The following NALF1 variants were observed in gnomAD, a reference collection of about 807,000 sequenced individuals.
NALF1 encodes the protein NALCN channel auxiliary factor 1.
Under a neutral mutation model 48.4 loss-of-function variants are expected in NALF1, and 3 were observed. The ratio of observed to expected loss-of-function variants is 0.06; its 90% CI spans 0.03 to 0.16. The LOEUF is 0.16. Among genes scored for constraint, NALF1 ranks in the 10% least tolerant of loss-of-function variants. NALF1 has a pLI of 1.00. For missense variants in NALF1, 526 were observed against 571.5 expected (o/e 0.92, Z 0.81); for synonymous variants, 262 against 245.7 (o/e 1.07, Z -0.62).
chr13:107,564,472 G>A (rs904819293), intron 1 of NALF1, among the ~76,000 whole-genome samples: 1 of 152,160 alleles, frequency 6.6e-6, no homozygotes, highest in South Asian at 2.1e-4. Context: ...TTAAGTGGGT[G>A]CACCTTTCCT....
chr13:107,857,417 C>T (rs985213018), intron 1 of NALF1, among the ~76,000 whole-genome samples: 5 of 152,190 alleles, frequency 3.3e-5, no homozygotes, highest in African/African-American at 7.2e-5. Flanking sequence ...GCCTGACAGA[C>T]GACATAACAC....
At chr13:107,269,166 T>TA (rs200045635) in intron 1 of NALF1, among the ~76,000 whole-genome samples, 35,333 of 143,128 alleles carry the variant, frequency 0.25, 5,122 homozygotes, top group South Asian at 0.49. Context: ...TGTCTATGTT[T>TA]AAAAAAAAAA....
At chr13:107,559,926 C>T (rs1311221336) in intron 1 of NALF1, among the ~76,000 whole-genome samples, 1 of 152,046 alleles carries the variant, frequency 6.6e-6, no homozygotes, top group East Asian at 1.9e-4. Context: ...AGAGATGGAA[C>T]CAGCTTGGAC....
intron 1 of NALF1, chr13:107,788,946 C>A (rs1011117622): frequency 6.6e-6 from 1 of 152,080 alleles, no homozygotes; most frequent in Non-Finnish European, 1.5e-5. Flanking sequence ...TATGGTTAAC[C>A]TAGTTAAGTT....
At chr13:107,819,996 T>A (rs73587777) in intron 1 of NALF1, among the ~76,000 whole-genome samples, 4 of 152,152 alleles carry the variant, frequency 2.6e-5, no homozygotes, top group African/African-American at 9.7e-5. Context: ...AGCCAAATCC[T>A]GAAGACAAAG....
At chr13:107,429,281 C>G (rs1322195862) in intron 1 of NALF1, among the ~76,000 whole-genome samples, 1 of 150,204 alleles carries the variant, frequency 6.7e-6, no homozygotes, top group Non-Finnish European at 1.5e-5. Context: ...ATGATTGTGC[C>G]ACTGCACTCC....
At chr13:107,307,577 G>T (rs544795066) in intron 1 of NALF1, among the ~76,000 whole-genome samples, 7 of 145,624 alleles carry the variant, frequency 4.8e-5, no homozygotes, top group African/African-American at 1.8e-4. Context: ...TCCGCCTCCC[G>T]AGTTCAGGCG....
intron 1 of NALF1, among the ~76,000 whole-genome samples, chr13:107,660,124 C>A (rs1466208406): frequency 6.6e-6 from 1 of 151,988 alleles, no homozygotes; most frequent in Admixed American, 6.6e-5. Flanking sequence ...ATAACACAAA[C>A]CATAGTCTCT....
intron 1 of NALF1, among the ~76,000 whole-genome samples, chr13:107,667,845 G>A (rs1406152902): frequency 6.6e-6 from 1 of 152,012 alleles, no homozygotes; most frequent in Non-Finnish European, 1.5e-5. Context: ...TCATAGAAGA[G>A]CATTCAAATT....
intron 1 of NALF1, among the ~76,000 whole-genome samples, chr13:107,463,660 C>G (rs888274332): frequency 6.6e-6 from 1 of 152,060 alleles, no homozygotes; most frequent in African/African-American, 2.4e-5. Context: ...TGATATATGA[C>G]AAAAGCCTTG....
chr13:107,512,461 G>C (rs943437852), intron 1 of NALF1, among the ~76,000 whole-genome samples: 3 of 152,184 alleles, frequency 2.0e-5, no homozygotes, highest in African/African-American at 7.2e-5. Flanking sequence ...TCACACTGAG[G>C]CAGGACAGGT....
intron 1 of NALF1, among the ~76,000 whole-genome samples, chr13:107,375,478 T>C (rs961287803): frequency 1.3e-5 from 2 of 152,146 alleles, no homozygotes; most frequent in African/African-American, 4.8e-5. Flanking sequence ...GTATCTATCA[T>C]GTAAATAATT....
At chr13:107,262,732 T>A (rs1880953957) in intron 1 of NALF1, among the ~76,000 whole-genome samples, 1 of 149,086 alleles carries the variant, frequency 6.7e-6, no homozygotes, top group African/African-American at 2.5e-5. Flanking sequence ...GTGAAAGACA[T>A]CCCATGGAAC....
chr13:107,650,535 G>A lies in NALF1; in HGVS notation c.915+215147C>T, dbSNP rs562457537. On this transcript the variant is annotated intron_variant, in intron 1 of 2. Transcript: ENST00000375915. The stretch of plus-strand genomic sequence containing the variant: ...CTGATAGGTGGGAGCTAAGTTAGGA[G>A]GACACAAAGGCATAAGAATGATACA... Among the ~76,000 whole-genome samples, 386 of 152,064 alleles carry A rather than the reference G, an allele frequency of 2.5e-3. 1 individual carries two copies. Among genetic ancestry groups the A allele is most frequent in the Non-Finnish European group, 3.3e-3 (222 of 67,972 alleles).
intron 1 of NALF1, among the ~76,000 whole-genome samples, chr13:107,383,834 C>T (rs556394404): frequency 7.2e-5 from 11 of 152,244 alleles, no homozygotes; most frequent in East Asian, 3.9e-4. Context: ...GAAGTTAAGA[C>T]GCAACTCTCA....
chr13:107,617,595 T>C (rs1886229), intron 1 of NALF1, among the ~76,000 whole-genome samples: 2,037 of 152,194 alleles, frequency 0.013, 39 homozygotes, highest in African/African-American at 0.047. Flanking sequence ...AAGAACTCAG[T>C]GGGTTGAGAA....
rs1178282459 is a variant in NALF1 at position 107,783,079 on chromosome 13, C to A, written c.915+82603G>T. ...GGAGGGAGGTGGGGGGGTCAGCCCC[C>A]TGCCCGGCCAGCCGCCTCGTCCGGG... On this transcript the variant is annotated intron_variant, in intron 1 of 2. Transcript: ENST00000375915. Among the ~76,000 whole-genome samples the A allele has an allele frequency of 2.4e-3, 341 of 139,234 alleles. 4 individuals are homozygous for A. The highest frequency in any genetic ancestry group is 3.4e-3 in the Non-Finnish European group (220 of 64,036). The allele number at this position is 139,234 out of a possible 152,430, so 91.3% of individuals were successfully genotyped here.
chr13:107,433,281 C>G (rs1483930289), intron 1 of NALF1, among the ~76,000 whole-genome samples: 4 of 152,202 alleles, frequency 2.6e-5, no homozygotes, highest in Non-Finnish European at 5.9e-5. Context: ...GGAAGAGAGA[C>G]CAGTTGCCAT....
intron 1 of NALF1, among the ~76,000 whole-genome samples, chr13:107,612,116 AG>A (rs1179688282): frequency 8.0e-4 from 22 of 27,596 alleles, no homozygotes; most frequent in African/African-American, 2.4e-3. Flanking sequence ...GAGGAAGGGG[AG>A]GGGGGAGGGG....
Sources: gnomAD v4.1 joint callset for allele counts (sites outside exome capture counted in the v4.1 genomes callset) on GRCh38, gnomAD v4.1.1 for gene constraint, MANE v1.5 for transcripts, NCBI Gene and HGNC (gene_info 2026-07-23, HGNC 2026-07-21) for gene names.